The following RGP1 variants were observed in gnomAD, a reference collection of about 807,000 sequenced individuals.
RGP1 encodes the protein RAB6A-GEF complex partner protein 2.
In RGP1, 28 loss-of-function variants were observed where a neutral mutation model predicts 44.5. That is an observed-to-expected ratio of 0.63 (90% CI 0.47 to 0.86). The LOEUF is 0.86. RGP1 is among the 40% of genes least tolerant of loss of function. The pLI, the probability that RGP1 is intolerant of heterozygous loss-of-function variation, is 0.00. For missense variants in RGP1, 417 were observed against 490.7 expected (o/e 0.85, Z 1.42); for synonymous variants, 212 against 196.7 (o/e 1.08, Z -0.65).
At chr9:35,763,031 A>G (rs929082770), downstream of RGP1, among the ~76,000 whole-genome samples, 2 of 152,214 alleles carry the variant, frequency 1.3e-5, no homozygotes, top group East Asian at 1.9e-4. Flanking sequence ...CTTCCACTCT[A>G]CAAGTCTGCC....
chr9:35,779,635 G>A, the RGP1 span, among the ~76,000 whole-genome samples: 2 of 152,188 alleles, frequency 1.3e-5, no homozygotes, highest in Non-Finnish European at 2.9e-5. Context: ...GAAGTTAGGA[G>A]GGTTAAAGAG....
the RGP1 span, among the ~76,000 whole-genome samples, chr9:35,777,904 T>C: frequency 2.6e-5 from 4 of 152,190 alleles, no homozygotes; most frequent in African/African-American, 9.7e-5. Context: ...AAGCACCCCA[T>C]ATCAATGACA....
rs185522281 is a variant in RGP1 at position 35,755,439 on chromosome 9, A to G, written c.*2565A>G. On this transcript the variant is annotated 3_prime_UTR_variant, in exon 9 of 9. Coordinates refer to ENST00000378078, the MANE Select transcript of RGP1 (RefSeq NM_001080496.3). ...GCTGTCTCCTGGCATAGACCTCTGCACCTTTCACACTCATACTCCTTGTCA... is the reference window on the plus strand; with the variant it reads ...GCTGTCTCCTGGCATAGACCTCTGCGCCTTTCACACTCATACTCCTTGTCA... 6.6e-6 allele frequency: 1 copy of G among 152,344 alleles called. No individual in the cohort carries two copies. Among genetic ancestry groups the G allele is most frequent in the Admixed American group, 6.5e-5 (1 of 15,304 alleles). 9.4% of individuals were successfully genotyped at this position (152,344 alleles called of 1,614,324 possible).
chr9:35,774,131 G>C, the RGP1 span, among the ~76,000 whole-genome samples: 16 of 152,204 alleles, frequency 1.1e-4, no homozygotes, highest in Non-Finnish European at 1.8e-4. Flanking sequence ...GTTGAATGAA[G>C]TGAATGGTTA....
the RGP1 span, among the ~76,000 whole-genome samples, chr9:35,766,062 C>T: frequency 6.7e-6 from 1 of 149,942 alleles, no homozygotes; most frequent in African/African-American, 2.5e-5. Context: ...CTCGATCTGA[C>T]CTTGTGATCT....
In RGP1 at chr9:35,749,519, A is replaced by T; in HGVS notation, c.-20+111A>T. The T allele has an allele frequency of 1.5e-6, 1 of 676,726 alleles. No individual in the cohort carries two copies. The highest frequency in any genetic ancestry group is 2.8e-6 in the Non-Finnish European group (1 of 359,580). 41.9% of individuals were successfully genotyped at this position (676,726 alleles called of 1,614,324 possible). A position where few individuals can be genotyped will look rare whatever the true frequency, so the allele number is the denominator to read the frequency against. On this transcript the variant is annotated intron_variant, in intron 1 of 8. Transcript: ENST00000378078. The surrounding 1 kb of genome is among the most constrained non-coding windows in gnomAD (Gnocchi z 4.4). ...GCCCAGGGAGAAGAACCCGTCGCACAGGGGCTGGGGTCTAGGGCCCAGAGC... is the reference window on the plus strand; with the variant it reads ...GCCCAGGGAGAAGAACCCGTCGCACTGGGGCTGGGGTCTAGGGCCCAGAGC...
the RGP1 span, among the ~76,000 whole-genome samples, chr9:35,776,722 G>A: frequency 1.6e-4 from 25 of 152,044 alleles, no homozygotes; most frequent in Non-Finnish European, 2.6e-4. Context: ...TGGGCCAGGC[G>A]CGGTGGTTCA....
At chr9:35,769,427 T>C in the RGP1 span, among the ~76,000 whole-genome samples, 1 of 152,198 alleles carries the variant, frequency 6.6e-6, no homozygotes, top group Non-Finnish European at 1.5e-5. Context: ...CCATGTACTG[T>C]GCTAGGCACT....
the RGP1 span, among the ~76,000 whole-genome samples, chr9:35,769,208 C>T: frequency 2.0e-5 from 3 of 152,242 alleles, no homozygotes; most frequent in Non-Finnish European, 4.4e-5. Flanking sequence ...GCACCCATTG[C>T]CAAGGAAGAA....
rs1827350757 is a variant in RGP1 at position 35,755,772 on chromosome 9, A to C, written c.*2898A>C. The C allele has an allele frequency of 2.6e-5, 4 of 152,308 alleles. No individual in the cohort carries two copies. The South Asian group carries it at 8.3e-4, about 32-fold the overall frequency. The allele number at this position is 152,308 out of a possible 1,614,324, so 9.4% of individuals were successfully genotyped here. ...TTGTGCTCCCGCTTCCTAACAGGCC[A>C]CAGACTGGTACTGGCCTGTGGCCTG... is the stretch of plus-strand genomic sequence containing the variant. On this transcript the variant is annotated 3_prime_UTR_variant, in exon 9 of 9. Transcript: ENST00000378078.
At chr9:35,781,813 A>G in the RGP1 span, among the ~76,000 whole-genome samples, 2 of 151,856 alleles carry the variant, frequency 1.3e-5, no homozygotes, top group African/African-American at 4.8e-5. Flanking sequence ...TTCTTTATGG[A>G]GTGGCTTCAG....
the RGP1 span, among the ~76,000 whole-genome samples, chr9:35,776,429 G>C: frequency 6.6e-6 from 1 of 151,444 alleles, no homozygotes; most frequent in East Asian, 1.9e-4. Flanking sequence ...CTGGAATTAC[G>C]GGCGTCTGCA....
chr9:35,786,689 C>T, the RGP1 span: 1 of 152,172 alleles, frequency 6.6e-6, no homozygotes, highest in African/African-American at 2.4e-5. Flanking sequence ...GGGAAAATGA[C>T]TTGTTTGGAC....
chr9:35,777,443 TG>T, the RGP1 span, among the ~76,000 whole-genome samples: 1 of 88,830 alleles, frequency 1.1e-5, no homozygotes, highest in Non-Finnish European at 2.2e-5. Flanking sequence ...TCATGTTTTG[TG>T]GTTTTTTTTT....
At chr9:35,775,778 A>T in the RGP1 span, among the ~76,000 whole-genome samples, 2 of 152,198 alleles carry the variant, frequency 1.3e-5, no homozygotes, top group South Asian at 2.1e-4. Flanking sequence ...AAACTCTTTT[A>T]AAAAAATTTT....
Position 35,749,952 on chromosome 9 carries a change from G to T in RGP1, c.116+81G>T. On this transcript the variant is annotated intron_variant, in intron 2 of 8. Coordinates refer to ENST00000378078, the MANE Select transcript of RGP1 (RefSeq NM_001080496.3). The surrounding 1 kb of genome is among the most constrained non-coding windows in gnomAD (Gnocchi z 4.4). ...CTGGGGCTGAGGCAGAGCTCAGGTT[G>T]TCCTGTAGCGACACCACCTCCTCTT... The T allele has an allele frequency of 1.8e-6, 2 of 1,115,066 alleles. No individual in the cohort carries two copies. 69.1% of individuals were successfully genotyped at this position (1,115,066 alleles called of 1,614,324 possible). A position where few individuals can be genotyped will look rare whatever the true frequency, so the allele number is the denominator to read the frequency against.
the RGP1 span, among the ~76,000 whole-genome samples, chr9:35,779,872 C>A: frequency 6.6e-6 from 1 of 151,502 alleles, no homozygotes; most frequent in Admixed American, 6.6e-5. Flanking sequence ...GTATCTGGGA[C>A]TGCAGGTTAT....
chr9:35,788,367 G>A, the RGP1 span, among the ~76,000 whole-genome samples: 2 of 152,134 alleles, frequency 1.3e-5, no homozygotes, highest in African/African-American at 2.4e-5. Flanking sequence ...TCAGGAGTTC[G>A]AGACCAGCTG....
chr9:35,759,224 A>G (rs985320254), downstream of RGP1, among the ~76,000 whole-genome samples: 5 of 152,172 alleles, frequency 3.3e-5, no homozygotes, highest in South Asian at 8.3e-4. Context: ...CACACACTGT[A>G]TAGTGAATTT....
Sources: allele counts gnomAD v4.1 joint callset (sites outside exome capture counted in the v4.1 genomes callset), GRCh38; gene constraint gnomAD v4.1.1; non-coding constraint Gnocchi (gnomAD v3.1); transcripts MANE v1.5; gene names NCBI Gene and HGNC (gene_info 2026-07-23, HGNC 2026-07-21).